HEATR5B: variants seen among roughly 807,000 people sequenced by gnomAD.
HEATR5B encodes HEAT repeat-containing protein 5B.
In HEATR5B, 156 loss-of-function variants were observed where a neutral mutation model predicts 224.1. The observed-to-expected ratio is 0.70, with a 90% CI of 0.61 to 0.80. The LOEUF (loss-of-function observed/expected upper bound fraction) is 0.80, where lower values mean the gene tolerates loss of function less well. Ranked by LOEUF, HEATR5B falls within the 30% of genes least tolerant of loss-of-function variation. HEATR5B has a pLI of 0.00. For missense variants in HEATR5B, 2,323 were observed against 2,535.5 expected, an observed-to-expected ratio of 0.92 and a Z score of 1.80; for synonymous variants, 1,027 against 893.0, an observed-to-expected ratio of 1.15 and a Z score of -2.68.
chr2:36,994,745 A>G (rs1160808258), intron 33 of HEATR5B, among the ~76,000 whole-genome samples: 2 of 152,172 alleles, frequency 1.3e-5, no homozygotes, highest in African/African-American at 4.8e-5. Flanking sequence ...TTATTTTAAA[A>G]CAAATTCTTA....
intron 21 of HEATR5B, among the ~76,000 whole-genome samples, chr2:37,035,017 G>A (rs916373057): frequency 6.6e-6 from 1 of 152,102 alleles, no homozygotes; most frequent in African/African-American, 2.4e-5. Context: ...TTACAGTGGG[G>A]ACAATATCCA....
intron 18 of HEATR5B, among the ~76,000 whole-genome samples, chr2:37,044,788 C>G (rs1670088392): frequency 6.6e-6 from 1 of 152,182 alleles, no homozygotes; most frequent in Non-Finnish European, 1.5e-5. Context: ...TGTTACACAG[C>G]TTGATATTGG....
At chr2:36,996,765 T>C (rs1400561596) in intron 33 of HEATR5B, among the ~76,000 whole-genome samples, 1 of 152,126 alleles carries the variant, frequency 6.6e-6, no homozygotes, top group African/African-American at 2.4e-5. Flanking sequence ...GCTAATTTTG[T>C]ATTTTTAGTA....
chr2:37,010,946 C>T (rs1013273322), intron 27 of HEATR5B, among the ~76,000 whole-genome samples: 1 of 150,178 alleles, frequency 6.7e-6, no homozygotes, highest in Non-Finnish European at 1.5e-5. Flanking sequence ...TTTTTGCTTT[C>T]CATGAATTCA....
chr2:37,007,738 A>G (rs1436526079), intron 28 of HEATR5B, among the ~76,000 whole-genome samples: 2 of 152,228 alleles, frequency 1.3e-5, no homozygotes, highest in African/African-American at 4.8e-5. Context: ...CTCTTTATAA[A>G]GCCACCAAAA....
chr2:37,025,585 G>A (rs902681808), intron 24 of HEATR5B, among the ~76,000 whole-genome samples: 1 of 151,270 alleles, frequency 6.6e-6, no homozygotes, highest in African/African-American at 2.4e-5. Context: ...GAGAAACGTA[G>A]ACAAATTACA....
At chr2:37,040,601 A>T (rs1669811184) in intron 19 of HEATR5B, 83 bp from the exon 20 acceptor site, 1 of 963,568 alleles carries the variant, frequency 1.0e-6, no homozygotes, top group Admixed American at 3.1e-5. Context: ...TTACATGGGT[A>T]TACTCTTAAT....
intron 17 of HEATR5B, among the ~76,000 whole-genome samples, chr2:37,050,499 A>G (rs982888340): frequency 2.6e-5 from 4 of 152,224 alleles, no homozygotes; most frequent in African/African-American, 9.6e-5. Context: ...ATTGAAATTT[A>G]TCACTCTAAG....
At chr2:37,017,956 T>A (rs1359283195) in intron 26 of HEATR5B, among the ~76,000 whole-genome samples, 1 of 152,168 alleles carries the variant, frequency 6.6e-6, no homozygotes. Context: ...CCCAGTTGTG[T>A]GACATCTGAG....
chr2:37,040,905 T>C (rs908527546), intron 19 of HEATR5B: 2 of 475,856 alleles, frequency 4.2e-6, no homozygotes, highest in Non-Finnish European at 7.4e-6. Flanking sequence ...TAATACACAA[T>C]AAAAAGAAAA....
intron 27 of HEATR5B, among the ~76,000 whole-genome samples, chr2:37,009,671 A>G (rs1325137581): frequency 6.6e-6 from 1 of 152,148 alleles, no homozygotes; most frequent in Non-Finnish European, 1.5e-5. Flanking sequence ...TTTCTAAAAA[A>G]ACTGATCTGA....
At chr2:36,984,215 A>T (rs376233027) in intron 35 of HEATR5B, among the ~76,000 whole-genome samples, 1,159 of 77,616 alleles carry the variant, frequency 0.015, 75 homozygotes, top group Middle Eastern at 0.071. Context: ...AAAAAAAAAA[A>T]ATATATATAT....
intron 34 of HEATR5B, among the ~76,000 whole-genome samples, chr2:36,989,512 T>C (rs772747296): frequency 3.3e-5 from 5 of 152,218 alleles, no homozygotes; most frequent in Non-Finnish European, 1.5e-5. Context: ...GAAGGTTAAA[T>C]ATTTGAATGA....
intron 16 of HEATR5B, 97 bp downstream of exon 16, chr2:37,056,343 C>G (rs1028050708): frequency 5.2e-6 from 4 of 768,300 alleles, no homozygotes; most frequent in Non-Finnish European, 8.0e-6. Flanking sequence ...ATTATAATAA[C>G]TCACTTTATT....
chr2:37,079,593 T>G (rs1318249456), intron 2 of HEATR5B, among the ~76,000 whole-genome samples: 1 of 152,170 alleles, frequency 6.6e-6, no homozygotes, highest in East Asian at 1.9e-4. Flanking sequence ...CAAAAAGTTA[T>G]GAGACCAACT....
At position 37,000,785 on chromosome 2, in the gene HEATR5B, C is replaced by T. The variant is rs1027533173; in HGVS notation, c.5346G>A (p.Leu1782=). 6.2e-7 allele frequency: 1 copy of T among 1,613,824 alleles called. No individual in the cohort carries two copies. The highest frequency in any genetic ancestry group is 1.3e-5 in the African/African-American group (1 of 74,912). Residue 1782 remains leucine, a synonymous_variant, in exon 33 of 36, where the codon CTG becomes CTA. Transcript: ENST00000233099. ...AGCMTILPTI[L]FLIARILKDT... is the part of the protein sequence containing the mutation. Reference sequence around the variant, plus strand: ...CTTTCAATATTCTTGCAATTAAGAACAGAATTGTGGGCAGGATTGTCATAC... The same window carrying T: ...CTTTCAATATTCTTGCAATTAAGAATAGAATTGTGGGCAGGATTGTCATAC...
In HEATR5B at chr2:37,083,182, A is replaced by G. The variant is rs188563485; in HGVS notation, c.126+107T>C. The G allele has an allele frequency of 3.7e-5, 47 of 1,278,590 alleles. No individual in the cohort carries two copies. In the Admixed American group the frequency reaches 6.1e-4, roughly 17 times the overall value. The allele number at this position is 1,278,590 out of a possible 1,614,324, so 79.2% of individuals were successfully genotyped here. A position where few individuals can be genotyped will look rare whatever the true frequency, so the allele number is the denominator to read the frequency against. On this transcript the variant is annotated intron_variant, in intron 2 of 35. Coordinates refer to ENST00000233099, the MANE Select transcript of HEATR5B (RefSeq NM_019024.3). Reference sequence around the variant, plus strand: ...CATTCGTGTAATACTCTCAAGTTCCATAAGTGACCCATAAACCTTCCAAAA... The same window carrying G: ...CATTCGTGTAATACTCTCAAGTTCCGTAAGTGACCCATAAACCTTCCAAAA...
At chr2:37,020,550 A>T in intron 25 of HEATR5B, 105 bp downstream of exon 25, 1 of 727,738 alleles carries the variant, frequency 1.4e-6, no homozygotes, top group South Asian at 2.5e-5. Context: ...TTCTACAGAA[A>T]TAAACAGATT....
chr2:36,997,650 T>C (rs1666815550), intron 33 of HEATR5B, among the ~76,000 whole-genome samples: 1 of 139,708 alleles, frequency 7.2e-6, no homozygotes, highest in Non-Finnish European at 1.5e-5. Flanking sequence ...CACTGCAACC[T>C]CTGCCACCCA....
Sources: allele counts gnomAD v4.1 joint callset (sites outside exome capture counted in the v4.1 genomes callset), GRCh38; gene constraint gnomAD v4.1.1; transcripts MANE v1.5; gene names NCBI Gene and HGNC (gene_info 2026-07-23, HGNC 2026-07-21).